The following CTNNA1 variants were observed in gnomAD, a reference collection of about 807,000 sequenced individuals.
The protein encoded by CTNNA1 is catenin alpha-1.
CTNNA1 carries 37 observed loss-of-function variants against 98.4 expected under a neutral mutation model. The ratio of observed to expected loss-of-function variants is 0.38; its 90% CI spans 0.29 to 0.49. The LOEUF is 0.49. Among genes scored for constraint, CTNNA1 ranks in the 20% least tolerant of loss-of-function variants. The probability of loss-of-function intolerance (pLI) is 0.95; values close to 1 mark genes in which losing one functional copy is unlikely to be tolerated. For synonymous variants in CTNNA1, 404 were observed against 413.2 expected (o/e 0.98, Z 0.27); for missense variants, 761 against 1,147.2 (o/e 0.66, Z 4.86).
intron 7 of CTNNA1, among the ~76,000 whole-genome samples, chr5:138,850,156 T>C (rs755809227): frequency 4.8e-4 from 73 of 152,374 alleles, no homozygotes; most frequent in Non-Finnish European, 5.7e-4. Flanking sequence ...TTATTTACTT[T>C]GCTCTTATGG....
intron 6 of CTNNA1, among the ~76,000 whole-genome samples, chr5:138,826,034 G>T (rs1760681629): frequency 6.6e-6 from 1 of 152,080 alleles, no homozygotes; most frequent in African/African-American, 2.4e-5. Context: ...ATGATCTCAG[G>T]CTCATTGAGG....
chr5:138,884,049 A>G (rs1383552708), intron 7 of CTNNA1, among the ~76,000 whole-genome samples: 1 of 152,244 alleles, frequency 6.6e-6, no homozygotes, highest in Non-Finnish European at 1.5e-5. Context: ...TCTCAAGAAC[A>G]TATTCCCAAG....
intron 5 of CTNNA1, among the ~76,000 whole-genome samples, chr5:138,823,128 T>C (rs1215683417): frequency 1.3e-4 from 20 of 152,256 alleles, no homozygotes; most frequent in Admixed American, 1.2e-3. Context: ...TTTAGAGTTA[T>C]CACCTGTATT....
intron 10 of CTNNA1, among the ~76,000 whole-genome samples, chr5:138,910,027 T>C (rs2150178340): frequency 6.6e-6 from 1 of 152,304 alleles, no homozygotes; most frequent in Middle Eastern, 3.4e-3. Context: ...CACAGAGAAC[T>C]CAAGGGAGAT....
chr5:138,847,391 C>T (rs577170140), intron 7 of CTNNA1, among the ~76,000 whole-genome samples: 1 of 152,218 alleles, frequency 6.6e-6, no homozygotes, highest in East Asian at 1.9e-4. Context: ...TCTCGAACTA[C>T]TGGGCTCAAG....
intron 3 of CTNNA1, among the ~76,000 whole-genome samples, chr5:138,788,204 A>G (rs1755934645): frequency 6.6e-6 from 1 of 152,164 alleles, no homozygotes; most frequent in South Asian, 2.1e-4. Flanking sequence ...TCTACGCTCC[A>G]GCAGTGCAGG....
At position 138,874,203 on chromosome 5, in the gene CTNNA1, T is replaced by C; in HGVS notation, c.1063-12009T>C. 1 of 1,614,054 alleles carries C rather than the reference T, an allele frequency of 6.2e-7. No individual in the cohort carries two copies. Among genetic ancestry groups the C allele is most frequent in the Non-Finnish European group, 8.5e-7 (1 of 1,179,902 alleles). ...GTTGTGTTTGGCAAGTAAAATATTT[T>C]GTTGGAACTTAAGATTAATTCCTTA... On this transcript the variant is annotated intron_variant, in intron 7 of 17. Transcript: ENST00000302763. The surrounding 1 kb of genome is among the most constrained non-coding windows in gnomAD (Gnocchi z 4.1).
At chr5:138,877,702 C>T (rs1751956520) in intron 7 of CTNNA1, among the ~76,000 whole-genome samples, 1 of 152,176 alleles carries the variant, frequency 6.6e-6, no homozygotes, top group Non-Finnish European at 1.5e-5. Context: ...CCGCCTCGGC[C>T]TCCCAAAGTG....
At chr5:138,757,046 AT>A (rs1394036046) in intron 1 of CTNNA1, among the ~76,000 whole-genome samples, 1 of 151,588 alleles carries the variant, frequency 6.6e-6, no homozygotes, top group Non-Finnish European at 1.5e-5. Flanking sequence ...AAAAAAAAAA[AT>A]CAACCAGGCA....
At chr5:138,925,989 C>T (rs541109305) in intron 13 of CTNNA1, among the ~76,000 whole-genome samples, 1 of 152,320 alleles carries the variant, frequency 6.6e-6, no homozygotes, top group South Asian at 2.1e-4. Flanking sequence ...TACCGTCCTG[C>T]TCTCTGACAA....
At chr5:138,916,632 C>G (rs2150226047) in intron 10 of CTNNA1, among the ~76,000 whole-genome samples, 1 of 152,172 alleles carries the variant, frequency 6.6e-6, no homozygotes, top group South Asian at 2.1e-4. Flanking sequence ...AAGCAGTGTT[C>G]CCACTTTGGC....
intron 7 of CTNNA1, among the ~76,000 whole-genome samples, chr5:138,832,899 G>T (rs1761410480): frequency 6.6e-6 from 1 of 152,174 alleles, no homozygotes; most frequent in South Asian, 2.1e-4. Flanking sequence ...CAGTGCTACT[G>T]AGAAAGACTT....
chr5:138,915,200 C>A (rs941142677), intron 10 of CTNNA1, among the ~76,000 whole-genome samples: 1 of 152,006 alleles, frequency 6.6e-6, no homozygotes. Flanking sequence ...CCATAAGCAC[C>A]TTGTACCTAG....
At chr5:138,776,257 T>C (rs926075321) in intron 1 of CTNNA1, among the ~76,000 whole-genome samples, 4 of 151,890 alleles carry the variant, frequency 2.6e-5, no homozygotes, top group Admixed American at 6.6e-5. Flanking sequence ...TTAACGAGCA[T>C]GCTGCCTTCA....
chr5:138,908,955 C>G (rs1759946008), intron 10 of CTNNA1, among the ~76,000 whole-genome samples: 2 of 152,086 alleles, frequency 1.3e-5, no homozygotes, highest in Non-Finnish European at 2.9e-5. Context: ...CCCTTTGTAT[C>G]CCAGGCATTA....
intron 9 of CTNNA1, among the ~76,000 whole-genome samples, chr5:138,903,695 A>G (rs553363094): frequency 6.6e-6 from 1 of 152,136 alleles, no homozygotes; most frequent in Non-Finnish European, 1.5e-5. Flanking sequence ...GCCAGGAGAG[A>G]TTCAAGCTGT....
chr5:138,930,918 C>G lies in CTNNA1; in HGVS notation c.2281C>G (p.Arg761Gly). 1.2e-6 allele frequency: 2 copies of G among 1,612,940 alleles called. No homozygotes were observed. Among genetic ancestry groups the G allele is most frequent in the Non-Finnish European group, 1.7e-6 (2 of 1,178,894 alleles). ...AGGATCCAGGATGGACAAGCTTGGC[C>G]GCACCATTGCAGACCATGTAAGTGA... ...EAGSRMDKLG[R>G]TIADHCPDSA... Residue 761 changes from arginine (R) to glycine (G), a missense_variant, in exon 16 of 18, where the codon CGC becomes GGC. Around this residue, in one of 6 missense-constraint regions of CTNNA1, gnomAD observed 77 missense variants for 198.8 expected, o/e 0.39. Coordinates refer to ENST00000302763, the MANE Select transcript of CTNNA1 (RefSeq NM_001903.5).
intron 3 of CTNNA1, among the ~76,000 whole-genome samples, chr5:138,796,360 C>T (rs992003435): frequency 5.4e-5 from 8 of 149,114 alleles, no homozygotes; most frequent in African/African-American, 1.5e-4. Context: ...ATCGAGACCA[C>T]GGTGAAACCC....
In CTNNA1 at chr5:138,925,429, G is replaced by A. The variant is rs199677278; in HGVS notation, c.1899+22G>A. On this transcript the variant is annotated intron_variant, in intron 13 of 17. Coordinates refer to ENST00000302763, the MANE Select transcript of CTNNA1 (RefSeq NM_001903.5). ...AAGGGTGAGTAACTGCATTTCAGACGTCTTAACAGCTTCTTTCTTATCATT... is the reference window on the plus strand; with the variant it reads ...AAGGGTGAGTAACTGCATTTCAGACATCTTAACAGCTTCTTTCTTATCATT... 5.1e-5 allele frequency: 82 copies of A among 1,608,282 alleles called. No homozygotes were observed. In the East Asian group the frequency reaches 1.3e-3, roughly 25 times the overall value.
Sources: allele counts gnomAD v4.1 joint callset (sites outside exome capture counted in the v4.1 genomes callset), GRCh38; gene constraint gnomAD v4.1.1; regional missense constraint gnomAD v4.1.1; non-coding constraint Gnocchi (gnomAD v3.1); transcripts MANE v1.5; gene names NCBI Gene and HGNC (gene_info 2026-07-23, HGNC 2026-07-21).